The following PLEKHH2 variants were observed in gnomAD, a reference collection of about 807,000 sequenced individuals.
PLEKHH2 encodes the protein pleckstrin homology domain-containing family H member 2.
A neutral mutation model predicts 187.9 loss-of-function variants in PLEKHH2; 129 were observed. The ratio of observed to expected loss-of-function variants is 0.69; its 90% CI spans 0.59 to 0.79. The LOEUF (loss-of-function observed/expected upper bound fraction) is 0.79, where lower values mean the gene tolerates loss of function less well. PLEKHH2 is among the 30% of genes least tolerant of loss of function. The pLI is 0.00. For missense variants in PLEKHH2, 2,076 were observed against 1,751.2 expected (o/e 1.19, Z -3.31); for synonymous variants, 686 against 605.6 (o/e 1.13, Z -1.95).
At chr2:43,654,192 G>GTTAT (rs1427921331) in intron 2 of PLEKHH2, among the ~76,000 whole-genome samples, 9 of 151,930 alleles carry the variant, frequency 5.9e-5, no homozygotes, top group African/African-American at 1.5e-4. Flanking sequence ...GACATTTTAT[G>GTTAT]TTATTTATTT....
At chr2:43,700,919 A>T (rs887936200) in intron 8 of PLEKHH2, among the ~76,000 whole-genome samples, 1 of 152,060 alleles carries the variant, frequency 6.6e-6, no homozygotes, top group African/African-American at 2.4e-5. Flanking sequence ...CAAAGTGTCC[A>T]CACTCATTTT....
chr2:43,726,430 A>T lies in PLEKHH2; in HGVS notation c.2700A>T (p.Leu900=). ...HPKDQGPTYL[L]IGSKHEKDTW... Reference sequence around the variant, plus strand: ...AAGACCAAGGTCCAACTTACCTCCTAATTGGATCCAAGCATGAAAAGGTAT... The same window carrying T: ...AAGACCAAGGTCCAACTTACCTCCTTATTGGATCCAAGCATGAAAAGGTAT... The change falls in exon 17 of 30, where the codon CTA becomes CTT. Residue 900 remains leucine (L), a synonymous_variant. Transcript: ENST00000282406. The T allele has an allele frequency of 1.2e-6, 2 of 1,608,562 alleles. No homozygotes were observed. The highest frequency in any genetic ancestry group is 1.7e-6 in the Non-Finnish European group (2 of 1,175,090).
intron 8 of PLEKHH2, among the ~76,000 whole-genome samples, chr2:43,701,022 C>G (rs1669336382): frequency 6.6e-6 from 1 of 152,128 alleles, no homozygotes. Flanking sequence ...CTTCTCTTCC[C>G]TCACTGAGTT....
intron 19 of PLEKHH2, among the ~76,000 whole-genome samples, chr2:43,737,784 A>G (rs1033965424): frequency 6.6e-6 from 1 of 152,244 alleles, no homozygotes; most frequent in African/African-American, 2.4e-5. Context: ...ATGGCGTGCC[A>G]CATGCTACCA....
At chr2:43,674,801 A>G (rs1460499704) in intron 2 of PLEKHH2, among the ~76,000 whole-genome samples, 12 of 152,134 alleles carry the variant, frequency 7.9e-5, no homozygotes, top group Admixed American at 7.9e-4. Context: ...TCTGACCAAT[A>G]TGGTGAAACG....
rs58200065 is a variant in PLEKHH2, at chr2:43,640,950, A to ATTT, written c.-4+3591_-4+3593dup. On this transcript the variant is annotated intron_variant, in intron 1 of 29. Coordinates refer to ENST00000282406, the MANE Select transcript of PLEKHH2 (RefSeq NM_172069.4). ...AGGCCTGCACCACCATGCCTGGCTA[A>ATTT]TTTTTTTTTTTTTTTTTTTTTTAAT... is the stretch of plus-strand genomic sequence containing the variant. Among the ~76,000 whole-genome samples the ATTT allele has an allele frequency of 1.3e-3, 155 of 115,722 alleles. 2 individuals carry two copies. In the South Asian group the frequency reaches 0.018, roughly 14 times the overall value. The allele number at this position is 115,722 out of a possible 152,430, so 75.9% of individuals were successfully genotyped here.
At chr2:43,714,065 A>G (rs544945446) in intron 15 of PLEKHH2, among the ~76,000 whole-genome samples, 1 of 152,330 alleles carries the variant, frequency 6.6e-6, no homozygotes, top group South Asian at 2.1e-4. Context: ...TCCAGTGAAC[A>G]CACTGCTACT....
At chr2:43,760,800 C>T (rs1672400213) in intron 27 of PLEKHH2, among the ~76,000 whole-genome samples, 1 of 152,238 alleles carries the variant, frequency 6.6e-6, no homozygotes. Flanking sequence ...GTCCTCCCTC[C>T]TCCTCCCAGC....
intron 29 of PLEKHH2, among the ~76,000 whole-genome samples, chr2:43,764,787 A>T (rs1445320552): frequency 6.6e-6 from 1 of 152,234 alleles, no homozygotes; most frequent in Non-Finnish European, 1.5e-5. Flanking sequence ...GGATTTTATA[A>T]TTAAAACATA....
chr2:43,720,464 C>T (rs1265953795), intron 15 of PLEKHH2, among the ~76,000 whole-genome samples: 4 of 152,136 alleles, frequency 2.6e-5, no homozygotes, highest in Admixed American at 6.5e-5. Flanking sequence ...TGCTAGTCCA[C>T]AGTGTCTATT....
At chr2:43,711,709 G>T (rs1183595724) in intron 14 of PLEKHH2, 1 of 463,550 alleles carries the variant, frequency 2.2e-6, no homozygotes, top group Non-Finnish European at 2.8e-6. Context: ...GGCTAACACG[G>T]TGAAACCCCG....
At chr2:43,689,196 G>A (rs76883163) in intron 3 of PLEKHH2, among the ~76,000 whole-genome samples, 2,854 of 152,330 alleles carry the variant, frequency 0.019, 35 homozygotes, top group Non-Finnish European at 0.027. Context: ...TACACCCCAA[G>A]TCTACTGAGT....
Position 43,692,641 on chromosome 2 carries a change from T to C in PLEKHH2, c.314T>C (p.Leu105Ser). 1 of 1,613,410 alleles carries C rather than the reference T, an allele frequency of 6.2e-7. No homozygotes were observed. The highest frequency in any genetic ancestry group is 8.5e-7 in the Non-Finnish European group (1 of 1,179,720). ...GAAAAAGATGACGTCATTCAAAACT[T>C]GGAATTGCAACTTGAAGAGCAGGTT... is the stretch of plus-strand genomic sequence containing the variant. Reference protein sequence around the residue: ...IQEKDDVIQNLELQLEEQKQI... With the variant: ...IQEKDDVIQNSELQLEEQKQI... Residue 105 changes from leucine to serine, a missense_variant, in exon 4 of 30, where the codon TTG (leucine) becomes TCG (serine). Transcript: ENST00000282406.
At chr2:43,642,477 C>T (rs1665987068) in intron 1 of PLEKHH2, among the ~76,000 whole-genome samples, 1 of 152,058 alleles carries the variant, frequency 6.6e-6, no homozygotes. Flanking sequence ...CTTGCCCTGG[C>T]TATTATCTCT....
chr2:43,659,706 G>A (rs924376546), intron 2 of PLEKHH2, among the ~76,000 whole-genome samples: 2 of 151,844 alleles, frequency 1.3e-5, no homozygotes, highest in South Asian at 4.2e-4. Flanking sequence ...CTACAGGCAC[G>A]TGCCATCATG....
At chr2:43,714,434 C>T (rs1290966487) in intron 15 of PLEKHH2, among the ~76,000 whole-genome samples, 2 of 152,132 alleles carry the variant, frequency 1.3e-5, no homozygotes, top group Non-Finnish European at 2.9e-5. Context: ...CCCTTAGAAC[C>T]TTATGAGAGA....
At chr2:43,755,209 C>T (rs1402537945) in intron 25 of PLEKHH2, among the ~76,000 whole-genome samples, 1 of 152,038 alleles carries the variant, frequency 6.6e-6, no homozygotes. Flanking sequence ...AATCATCGTC[C>T]CTCCTCTGTG....
chr2:43,697,010 G>T (rs971411029), intron 6 of PLEKHH2, among the ~76,000 whole-genome samples, 161 bp from the exon 7 acceptor site: 1 of 152,164 alleles, frequency 6.6e-6, no homozygotes, highest in Non-Finnish European at 1.5e-5. Flanking sequence ...TGTGATGCTT[G>T]TCATTGAAGG....
At chr2:43,712,586 G>A (rs1250921626) in intron 15 of PLEKHH2, among the ~76,000 whole-genome samples, 1 of 152,208 alleles carries the variant, frequency 6.6e-6, no homozygotes, top group Non-Finnish European at 1.5e-5. Context: ...ATGTAAAAAT[G>A]TAAAGGCTCT....
Sources: allele counts gnomAD v4.1 joint callset (sites outside exome capture counted in the v4.1 genomes callset), GRCh38; gene constraint gnomAD v4.1.1; transcripts MANE v1.5; gene names NCBI Gene and HGNC (gene_info 2026-07-23, HGNC 2026-07-21).